The following HECW2 variants were observed in gnomAD, a reference collection of about 807,000 sequenced individuals.
HECW2 encodes E3 ubiquitin-protein ligase HECW2.
In HECW2, 61 loss-of-function variants were observed where a neutral mutation model predicts 175.2. That is an observed-to-expected ratio of 0.35 (90% CI 0.28 to 0.43). HECW2 has a LOEUF of 0.43. Ranked by LOEUF, HECW2 falls within the 20% of genes least tolerant of loss-of-function variation. HECW2 has a pLI of 1.00. For synonymous variants in HECW2, 671 were observed against 731.0 expected, an observed-to-expected ratio of 0.92 and a Z score of 1.32; for missense variants, 1,524 against 2,000.5, an observed-to-expected ratio of 0.76 and a Z score of 4.54.
chr2:196,413,159 C>G (rs563280841), intron 2 of HECW2, among the ~76,000 whole-genome samples: 3 of 152,246 alleles, frequency 2.0e-5, no homozygotes, highest in East Asian at 3.9e-4. Context: ...CCAAGACTAG[C>G]CTGGGCAACA....
At chr2:196,303,578 T>C (rs1314219411) in intron 13 of HECW2, among the ~76,000 whole-genome samples, 1 of 152,232 alleles carries the variant, frequency 6.6e-6, no homozygotes, top group Non-Finnish European at 1.5e-5. Flanking sequence ...GCTGCCTCAA[T>C]TTCAGAACTC....
intron 13 of HECW2, among the ~76,000 whole-genome samples, chr2:196,300,927 A>T (rs1206859873): frequency 6.6e-6 from 1 of 151,854 alleles, no homozygotes; most frequent in Non-Finnish European, 1.5e-5. Flanking sequence ...GGTTTGTTAC[A>T]TAGACAAATG....
chr2:196,334,665 C>T (rs748328730), intron 3 of HECW2, 147 bp from the exon 4 acceptor site: 4 of 641,340 alleles, frequency 6.2e-6, no homozygotes, highest in Non-Finnish European at 8.3e-6. Flanking sequence ...CAACAAATTA[C>T]ATCAATTTCT....
intron 1 of HECW2, among the ~76,000 whole-genome samples, chr2:196,495,592 A>G (rs927791631): frequency 6.6e-6 from 1 of 152,172 alleles, no homozygotes; most frequent in Non-Finnish European, 1.5e-5. Flanking sequence ...AGAGACAGAG[A>G]CAAAAGGGCA....
At chr2:196,438,857 C>G (rs1452998491) in intron 1 of HECW2, among the ~76,000 whole-genome samples, 2 of 152,136 alleles carry the variant, frequency 1.3e-5, no homozygotes, top group African/African-American at 4.8e-5. Flanking sequence ...CTTTTTGCTT[C>G]TTTTCTTCTA....
In HECW2 at chr2:196,194,230, A is replaced by T. The variant is rs1056288116; in HGVS notation, c.*7047T>A. 2 of 151,448 alleles carry T rather than the reference A, an allele frequency of 1.3e-5. No individual in the cohort carries two copies. Among genetic ancestry groups the T allele is most frequent in the Non-Finnish European group, 2.9e-5 (2 of 67,818 alleles). The allele number at this position is 151,448 out of a possible 1,614,324, so 9.4% of individuals were successfully genotyped here. ...ATAAAAATATAAATAAAAATAAACAAAATACTATAAATACTATGAAAACAG... is the reference window on the plus strand; with the variant it reads ...ATAAAAATATAAATAAAAATAAACATAATACTATAAATACTATGAAAACAG... On this transcript the variant is annotated 3_prime_UTR_variant, in exon 29 of 29. Transcript: ENST00000644978.
chr2:196,405,394 C>T (rs368505172), intron 2 of HECW2, among the ~76,000 whole-genome samples: 1 of 152,132 alleles, frequency 6.6e-6, no homozygotes, highest in African/African-American at 2.4e-5. Context: ...CTCCAGGTGA[C>T]GATATCACAT....
chr2:196,208,265 A>C (rs2105778635), intron 28 of HECW2, among the ~76,000 whole-genome samples: 1 of 152,364 alleles, frequency 6.6e-6, no homozygotes, highest in Admixed American at 6.5e-5. Flanking sequence ...ATAAATGCTA[A>C]TTTCTATCCC....
At chr2:196,205,138 T>G (rs527396813) in intron 28 of HECW2, among the ~76,000 whole-genome samples, 1 of 152,228 alleles carries the variant, frequency 6.6e-6, no homozygotes, top group African/African-American at 2.4e-5. Flanking sequence ...AACACAACTT[T>G]CCTTCTAATA....
chr2:196,506,426 T>C (rs1002549310), intron 1 of HECW2, among the ~76,000 whole-genome samples: 2 of 152,112 alleles, frequency 1.3e-5, no homozygotes, highest in African/African-American at 4.8e-5. Flanking sequence ...CAGCAGGGGA[T>C]ATATTTTTCT....
At chr2:196,234,173 C>T (rs1375803673) in intron 21 of HECW2, among the ~76,000 whole-genome samples, 1 of 152,162 alleles carries the variant, frequency 6.6e-6, no homozygotes, top group Non-Finnish European at 1.5e-5. Flanking sequence ...GCAGGGCAAT[C>T]ACAGTGTAAA....
chr2:196,246,879 ACT>A (rs1407172985), intron 19 of HECW2, among the ~76,000 whole-genome samples: 1 of 152,094 alleles, frequency 6.6e-6, no homozygotes. Flanking sequence ...AATTATAAAA[ACT>A]CTGAGACAGC....
At chr2:196,469,106 TGTGTGTGTGTGTGC>T (rs1697081692) in intron 1 of HECW2, among the ~76,000 whole-genome samples, 2 of 105,536 alleles carry the variant, frequency 1.9e-5, no homozygotes, top group Non-Finnish European at 1.9e-5. Context: ...TGAACCTGTG[TGTGTGTGTGTGTGC>T]GTGTGTGTGT....
chr2:196,586,587 C>A (rs1202444725), intron 1 of HECW2: 1 of 152,136 alleles, frequency 6.6e-6, no homozygotes, highest in Non-Finnish European at 1.5e-5. Context: ...GAGGGTATTA[C>A]GTCTTCTCCA....
At position 196,219,757 on chromosome 2, in the gene HECW2, G is replaced by A. The variant is rs75230112; in HGVS notation, c.4408+282C>T. Among the ~76,000 whole-genome samples, 1,310 of 152,282 alleles carry A rather than the reference G, an allele frequency of 8.6e-3. 64 individuals are homozygous for A. The East Asian group carries it at 0.14, about 17-fold the overall frequency. On this transcript the variant is annotated intron_variant, in intron 26 of 28. Coordinates refer to ENST00000644978, the MANE Select transcript of HECW2 (RefSeq NM_001348768.2). ...CTCCTTGGTGCTTCACTGACAACAC[G>A]ATAAAGTAATTAATTAGTGTTCTTA...
intron 1 of HECW2, among the ~76,000 whole-genome samples, chr2:196,533,551 G>A (rs765313980): frequency 5.9e-5 from 9 of 152,138 alleles, no homozygotes; most frequent in South Asian, 2.1e-4. Flanking sequence ...CAGGCTGCAG[G>A]ATGGAAGAGC....
At chr2:196,331,882 A>C (rs1575424204) in intron 4 of HECW2, among the ~76,000 whole-genome samples, 1 of 152,364 alleles carries the variant, frequency 6.6e-6, no homozygotes, top group East Asian at 1.9e-4. Context: ...TTTAGAGACT[A>C]GCTTTAAAAT....
chr2:196,550,791 T>C (rs59087931), intron 1 of HECW2, among the ~76,000 whole-genome samples: 1 of 152,340 alleles, frequency 6.6e-6, no homozygotes, highest in African/African-American at 2.4e-5. Context: ...TATAATTTAT[T>C]AGGCATCTAT....
intron 2 of HECW2, among the ~76,000 whole-genome samples, chr2:196,425,008 G>T (rs1276810341): frequency 1.3e-5 from 2 of 151,934 alleles, no homozygotes; most frequent in African/African-American, 4.8e-5. Context: ...CTTGTTAGGG[G>T]CTCATACAGC....
Sources: gnomAD v4.1 joint callset for allele counts (sites outside exome capture counted in the v4.1 genomes callset) on GRCh38, gnomAD v4.1.1 for gene constraint, MANE v1.5 for transcripts, NCBI Gene and HGNC (gene_info 2026-07-23, HGNC 2026-07-21) for gene names.